Variants in MAGI1 observed in about 807,000 individuals in gnomAD.
The protein encoded by MAGI1 is membrane associated guanylate kinase, WW and PDZ domain containing 1, also known as membrane-associated guanylate kinase, WW and PDZ domain-containing protein 1.
In MAGI1, 58 loss-of-function variants were observed where a neutral mutation model predicts 139.9. The observed-to-expected ratio is 0.41, with a 90% confidence interval of 0.34 to 0.52. The LOEUF is 0.52. Ranked by LOEUF, MAGI1 falls within the 20% of genes least tolerant of loss-of-function variation. The pLI, the probability that MAGI1 is intolerant of heterozygous loss-of-function variation, is 0.12. For missense variants in MAGI1, 1,874 were observed against 1,901.6 expected, an observed-to-expected ratio of 0.99 and a Z score of 0.27; for synonymous variants, 812 against 737.9, an observed-to-expected ratio of 1.10 and a Z score of -1.63.
intron 1 of MAGI1, among the ~76,000 whole-genome samples, chr3:65,661,346 T>A (rs1467306466): frequency 6.6e-6 from 1 of 152,174 alleles, no homozygotes; most frequent in Non-Finnish European, 1.5e-5. Flanking sequence ...AGTGGCACCT[T>A]ATTAAACACA....
chr3:65,530,774 C>CACGTATATATATAT (rs1559642935), intron 2 of MAGI1, among the ~76,000 whole-genome samples: 4,318 of 12,506 alleles, frequency 0.35, 667 homozygotes, highest in East Asian at 0.51. Context: ...TATATATATA[C>CACGTATATATATAT]ACACATATAT....
intron 1 of MAGI1, among the ~76,000 whole-genome samples, chr3:65,716,841 A>G (rs1219172590): frequency 1.3e-5 from 2 of 152,350 alleles, no homozygotes; most frequent in Admixed American, 1.3e-4. Context: ...GTGGTTTTCC[A>G]AACTATGTCA....
intron 2 of MAGI1, among the ~76,000 whole-genome samples, chr3:65,597,517 T>C (rs2082273060): frequency 6.7e-6 from 1 of 150,222 alleles, no homozygotes; most frequent in African/African-American, 2.5e-5. Flanking sequence ...CCCTCCCCCT[T>C]CCTCCCAGCC....
chr3:65,690,760 C>G (rs977679939), intron 1 of MAGI1, among the ~76,000 whole-genome samples: 9 of 151,486 alleles, frequency 5.9e-5, no homozygotes, highest in Non-Finnish European at 1.5e-5. Flanking sequence ...TCCCAATGTG[C>G]TGGGATTACA....
intron 1 of MAGI1, among the ~76,000 whole-genome samples, chr3:65,819,339 C>A (rs552983880): frequency 1.3e-5 from 2 of 152,212 alleles, no homozygotes; most frequent in Non-Finnish European, 1.5e-5. Flanking sequence ...TATGATCTCC[C>A]AGCAACAGAA....
intron 1 of MAGI1, among the ~76,000 whole-genome samples, chr3:65,997,368 TA>T (rs1419552795): frequency 1.3e-5 from 2 of 152,010 alleles, no homozygotes; most frequent in Non-Finnish European, 2.9e-5. Flanking sequence ...TCAGTAAAAA[TA>T]ATATCAGCCA....
chr3:66,031,017 A>G (rs2068559331), intron 1 of MAGI1, among the ~76,000 whole-genome samples: 1 of 152,254 alleles, frequency 6.6e-6, no homozygotes, highest in South Asian at 2.1e-4. Flanking sequence ...TTGAAACAAC[A>G]AAATGAATTC....
At chr3:65,613,940 T>TA (rs2083244201) in intron 2 of MAGI1, among the ~76,000 whole-genome samples, 1 of 151,950 alleles carries the variant, frequency 6.6e-6, no homozygotes, top group Admixed American at 6.6e-5. Flanking sequence ...GGGAAAGGGG[T>TA]AAGGAAGAAG....
intron 13 of MAGI1, 71 bp downstream of exon 13, chr3:65,401,368 A>ACCCGGCC: frequency 2.3e-6 from 3 of 1,323,554 alleles, no homozygotes. Context: ...CACACAGAGT[A>ACCCGGCC]CCCTCCCACC....
intron 1 of MAGI1, among the ~76,000 whole-genome samples, chr3:65,661,357 C>T (rs1472479065): frequency 6.6e-6 from 1 of 152,110 alleles, no homozygotes. Context: ...ATTAAACACA[C>T]AAGTCATTTT....
chr3:65,585,636 T>A (rs143646153), intron 2 of MAGI1, among the ~76,000 whole-genome samples: 6 of 152,300 alleles, frequency 3.9e-5, no homozygotes, highest in Non-Finnish European at 5.9e-5. Flanking sequence ...GACATATATG[T>A]GCCATACTAC....
chr3:65,766,962 G>A (rs1468570234), intron 1 of MAGI1, among the ~76,000 whole-genome samples: 4 of 152,142 alleles, frequency 2.6e-5, no homozygotes, highest in East Asian at 3.9e-4. Flanking sequence ...GTTCTAGTCC[G>A]AATTTGGTTG....
intron 1 of MAGI1, among the ~76,000 whole-genome samples, chr3:65,948,782 T>A (rs1314413393): frequency 1.3e-5 from 2 of 152,174 alleles, no homozygotes; most frequent in Admixed American, 6.5e-5. Context: ...TTTAAGCAAC[T>A]GTTAAAATCT....
At chr3:65,614,584 T>C (rs1456496994) in intron 2 of MAGI1, among the ~76,000 whole-genome samples, 1 of 152,156 alleles carries the variant, frequency 6.6e-6, no homozygotes, top group Non-Finnish European at 1.5e-5. Context: ...TATCAATTTT[T>C]AAATTAGAAA....
intron 2 of MAGI1, among the ~76,000 whole-genome samples, chr3:65,506,935 T>C (rs751084497): frequency 6.6e-6 from 1 of 152,188 alleles, no homozygotes; most frequent in Non-Finnish European, 1.5e-5. Context: ...TCAGTTGACA[T>C]AGGCATGATA....
intron 1 of MAGI1, among the ~76,000 whole-genome samples, chr3:65,763,021 T>C (rs1458926459): frequency 6.6e-6 from 1 of 152,186 alleles, no homozygotes; most frequent in African/African-American, 2.4e-5. Flanking sequence ...GAACCATCAC[T>C]ACTACTTTGG....
At chr3:65,546,493 C>T (rs2079514591) in intron 2 of MAGI1, among the ~76,000 whole-genome samples, 2 of 152,118 alleles carry the variant, frequency 1.3e-5, no homozygotes, top group Admixed American at 1.3e-4. Flanking sequence ...TGGCCAAACC[C>T]TGAACAATTG....
At chr3:65,773,051 T>C (rs2038082800) in intron 1 of MAGI1, among the ~76,000 whole-genome samples, 1 of 152,106 alleles carries the variant, frequency 6.6e-6, no homozygotes, top group South Asian at 2.1e-4. Flanking sequence ...ATCTGGTAAA[T>C]GGCAAAAAAA....
intron 1 of MAGI1, among the ~76,000 whole-genome samples, chr3:65,792,593 T>C (rs186521104): frequency 6.6e-5 from 10 of 152,060 alleles, no homozygotes; most frequent in Admixed American, 5.9e-4. Context: ...AAAAGTAAAA[T>C]AAGGATTCCT....
Sources: gnomAD v4.1 joint callset for allele counts (sites outside exome capture counted in the v4.1 genomes callset) on GRCh38, gnomAD v4.1.1 for gene constraint, MANE v1.5 for transcripts, NCBI Gene and HGNC (gene_info 2026-07-23, HGNC 2026-07-21) for gene names.